Variants in AHNAK2 observed in about 807,000 individuals in gnomAD.
The protein encoded by AHNAK2 is AHNAK nucleoprotein 2, also known as protein AHNAK2.
Under a neutral mutation model 30.7 loss-of-function variants are expected in AHNAK2, and 18 were observed. That is an observed-to-expected ratio of 0.59 (90% CI 0.41 to 0.87). AHNAK2 has a LOEUF of 0.87. Ranked by LOEUF, AHNAK2 falls within the 40% of genes least tolerant of loss-of-function variation. The pLI is 0.00. For synonymous variants in AHNAK2, 3,590 were observed against 3,073.8 expected, an observed-to-expected ratio of 1.17 and a Z score of -5.56; for missense variants, 8,604 against 7,373.0, an observed-to-expected ratio of 1.17 and a Z score of -6.11.
chr14:104,974,429 G>T (rs138459237), intron 1 of AHNAK2, among the ~76,000 whole-genome samples: 1 of 152,234 alleles, frequency 6.6e-6, no homozygotes, highest in African/African-American at 2.4e-5. Context: ...CCCCGTCCCA[G>T]ATGCACTGGG....
chr14:104,975,510 C>G (rs1003535369), intron 1 of AHNAK2, among the ~76,000 whole-genome samples: 3 of 152,352 alleles, frequency 2.0e-5, no homozygotes, highest in South Asian at 2.1e-4. Context: ...AGGCCCATTC[C>G]TGCCACTAGC....
At chr14:104,960,501 G>T (rs1273526262) in intron 1 of AHNAK2, among the ~76,000 whole-genome samples, 1 of 152,192 alleles carries the variant, frequency 6.6e-6, no homozygotes, top group Non-Finnish European at 1.5e-5. Context: ...TTATAGAAGG[G>T]ACTTGAGCAT....
chr14:104,960,320 T>C (rs951790841), intron 1 of AHNAK2, among the ~76,000 whole-genome samples: 1 of 152,238 alleles, frequency 6.6e-6, no homozygotes, highest in Non-Finnish European at 1.5e-5. Flanking sequence ...AAATTGCACC[T>C]GTACTGAACA....
At position 104,947,906 on chromosome 14, in the gene AHNAK2, G is replaced by A. The variant is rs202034000; in HGVS notation, c.7545C>T (p.Ala2515=). Residue 2515 remains alanine, a synonymous_variant, in exon 7 of 7, where the codon GCC becomes GCT. Coordinates refer to ENST00000333244, the MANE Select transcript of AHNAK2 (RefSeq NM_138420.4). ...SVDVSAPKVE[A]DGSLSSMQGD... ...CCTGCATGGAGGAGAGGCTCCCGTCGGCCTCCACCTTCGGCGCAGACACAT... is the reference window on the plus strand; with the variant it reads ...CCTGCATGGAGGAGAGGCTCCCGTCAGCCTCCACCTTCGGCGCAGACACAT... 4.2e-4 allele frequency: 684 copies of A among 1,612,194 alleles called. 15 individuals are homozygous for A. The highest frequency in any genetic ancestry group is 2.5e-3 in the African/African-American group (185 of 74,190).
intron 1 of AHNAK2, among the ~76,000 whole-genome samples, chr14:104,977,241 G>A (rs1245040325): frequency 2.0e-5 from 3 of 152,024 alleles, no homozygotes; most frequent in Non-Finnish European, 4.4e-5. Flanking sequence ...CCAACCCCCT[G>A]GCCAGTGGCT....
At position 104,947,050 on chromosome 14, in the gene AHNAK2, G is replaced by A. The variant is rs570242935; in HGVS notation, c.8401C>T (p.Leu2801=). ...DGARLEGDLS[L]ADKGMTAKDS... ...TTGGCTGTCATGCCCTTGTCGGCCAGGGACAGGTCCCCCTCCAGCCGCGCA... is the reference window on the plus strand; with the variant it reads ...TTGGCTGTCATGCCCTTGTCGGCCAAGGACAGGTCCCCCTCCAGCCGCGCA... Residue 2801 remains leucine, a synonymous_variant, in exon 7 of 7, where the codon CTG becomes TTG. Coordinates refer to ENST00000333244, the MANE Select transcript of AHNAK2 (RefSeq NM_138420.4). 1.9e-6 allele frequency: 3 copies of A among 1,612,604 alleles called. No homozygotes were observed. The highest frequency in any genetic ancestry group is 2.5e-6 in the Non-Finnish European group (3 of 1,179,638).
Position 104,939,369 on chromosome 14 carries a change from CT to C in AHNAK2, c.16081del (p.Ser5361ValfsTer22). On this transcript the variant is annotated frameshift_variant, in exon 7 of 7. Transcript: ENST00000333244. LOFTEE classifies it low-confidence loss of function (END_TRUNC). Reference sequence around the variant, plus strand: ...AGAAATCTGGGATGGCATATCAGTACTTGAAGCTTTCAATTTAAGTGGACCT... The same window carrying C: ...AGAAATCTGGGATGGCATATCAGTACTGAAGCTTTCAATTTAAGTGGACCT... ...PEGPLKLKASSTDMPSQISVV... is the reference protein window; with the variant it reads ...PEGPLKLKASXTDMPSQISVV... 6.2e-7 allele frequency: 1 copy of C among 1,613,724 alleles called. No individual in the cohort carries two copies. Among genetic ancestry groups the C allele is most frequent in the Non-Finnish European group, 8.5e-7 (1 of 1,179,874 alleles).
chr14:104,970,556 C>G, intron 1 of AHNAK2: 3 of 979,536 alleles, frequency 3.1e-6, no homozygotes, highest in Non-Finnish European at 3.6e-6. Context: ...AGCTCCTCCC[C>G]CCATTGTCCC....
Position 104,954,602 on chromosome 14 carries a change from CTCTGA to C in AHNAK2, c.844_848del (p.Ser282GlyfsTer5). The C allele has an allele frequency of 6.2e-7, 1 of 1,611,344 alleles. No homozygotes were observed. The highest frequency in any genetic ancestry group is 1.3e-5 in the African/African-American group (1 of 75,004). On this transcript the variant is annotated frameshift_variant, in exon 7 of 7. Transcript: ENST00000333244. LOFTEE classifies it low-confidence loss of function (END_TRUNC). This position sits in a 1 kb window ranked among gnomAD's most constrained non-coding sequence, Gnocchi z 4.3. ...CATGTGCGTCCCTAGGTTCGTAGGC[CTCTGA>C]CGAGCTGTGTGACCTCTGGGGTCCC...
rs1429033982 is a variant in AHNAK2 at position 104,944,434 on chromosome 14, T to G, written c.11017A>C (p.Ser3673Arg). 1 of 1,612,708 alleles carries G rather than the reference T, an allele frequency of 6.2e-7. No individual in the cohort carries two copies. The highest frequency in any genetic ancestry group is 8.5e-7 in the Non-Finnish European group (1 of 1,179,466). Residue 3673 changes from serine to arginine, a missense_variant, in exon 7 of 7, where the codon AGT (serine) becomes CGT (arginine). Physicochemically the swap from Ser to Arg is moderately radical, Grantham distance 110. Transcript: ENST00000333244. ...AGGTCCCCCTGCATGGAGGGGAGAC[T>G]CACATCGGCTTCCACCTTGGGTGCA... is the stretch of plus-strand genomic sequence containing the variant. ...VSAPKVEADV[S>R]LPSMQGDLKT...
intron 1 of AHNAK2, among the ~76,000 whole-genome samples, chr14:104,968,412 G>A (rs774484788): frequency 2.6e-5 from 4 of 152,188 alleles, no homozygotes; most frequent in Admixed American, 6.5e-5. Context: ...GGCGGGGAGG[G>A]GCCGAGCGGG....
chr14:104,950,535 T>C lies in AHNAK2; in HGVS notation c.4916A>G (p.Gln1639Arg), dbSNP rs148787429. ...GGCCAGGGACAGGTCCCCCTCCAGC[T>C]GCGCACCATCCAGCTTTGCTCTCGG... The part of the protein sequence containing the change: ...QAPRAKLDGA[Q>R]LEGDLSLADK... The change falls in exon 7 of 7, where the codon CAG becomes CGG. Residue 1639 changes from glutamine (Q) to arginine (R), a missense_variant. By Grantham distance (43) the Gln-to-Arg change is conservative. Coordinates refer to ENST00000333244, the MANE Select transcript of AHNAK2 (RefSeq NM_138420.4). The C allele has an allele frequency of 0.063, 97,030 of 1,542,354 alleles. 13,361 individuals are homozygous for C. The highest frequency in any genetic ancestry group is 0.25 in the East Asian group (10,917 of 44,040).
Position 104,944,067 on chromosome 14 carries a change from T to G in AHNAK2, c.11384A>C (p.Asp3795Ala). ...GAATTTGCTGTCTTTGGCAGTCACA[T>G]CCTTGTCGGCCAGGGACAGGTCCCC... The part of the protein sequence containing the change: ...LEGDLSLADK[D>A]VTAKDSKFKM... Residue 3795 changes from aspartate to alanine, a missense_variant, in exon 7 of 7, where the codon GAT becomes GCT. By Grantham distance (126) the Asp-to-Ala change is moderately radical. Transcript: ENST00000333244. 1 of 1,613,282 alleles carries G rather than the reference T, an allele frequency of 6.2e-7. No homozygotes were observed. The highest frequency in any genetic ancestry group is 1.1e-5 in the South Asian group (1 of 91,060).
In AHNAK2 at chr14:104,945,990, C is replaced by G; in HGVS notation, c.9461G>C (p.Gly3154Ala). The change falls in exon 7 of 7, where the codon GGG becomes GCG. Residue 3154 changes from glycine (G) to alanine (A), a missense_variant. Transcript: ENST00000333244. ...KMPKFKMPSF[G>A]VSAPGKSIEV... ...AATGGACTTGCCTGGGGCAGACACC[C>G]CGAACGACGGCATCTTGAACTTGGG... is the stretch of plus-strand genomic sequence containing the variant. The G allele has an allele frequency of 7.8e-7, 1 of 1,283,286 alleles. No homozygotes were observed. The highest frequency in any genetic ancestry group is 1.3e-5 in the South Asian group (1 of 74,792). 79.5% of individuals were successfully genotyped at this position (1,283,286 alleles called of 1,614,324 possible). A position where few individuals can be genotyped will look rare whatever the true frequency, so the allele number is the denominator to read the frequency against.
At chr14:104,975,459 C>G (rs1026324804) in intron 1 of AHNAK2, among the ~76,000 whole-genome samples, 1 of 151,832 alleles carries the variant, frequency 6.6e-6, no homozygotes, top group Non-Finnish European at 1.5e-5. Flanking sequence ...GGCCACCTCA[C>G]TGGAGGGCAC....
Position 104,950,395 on chromosome 14 carries a change from G to T in AHNAK2, c.5056C>A (p.Pro1686Thr), listed in dbSNP as rs369781376. 2 of 1,586,262 alleles carry T rather than the reference G, an allele frequency of 1.3e-6. No individual in the cohort carries two copies. The highest frequency in any genetic ancestry group is 1.7e-6 in the Non-Finnish European group (2 of 1,162,836). ...SIEASVDVSE[P>T]KVEADVSLPS... The stretch of plus-strand genomic sequence containing the variant: ...AGGCTCACATCAGCTTCCACCTTCG[G>T]CTCAGACACATCCACCGAGGCCTCG... The change falls in exon 7 of 7, where the codon CCG (proline) becomes ACG (threonine). Residue 1686 changes from proline (P) to threonine (T), a missense_variant. Coordinates refer to ENST00000333244, the MANE Select transcript of AHNAK2 (RefSeq NM_138420.4).
chr14:104,951,669 AG>A lies in AHNAK2; in HGVS notation c.3781del (p.Leu1261SerfsTer15). On this transcript the variant is annotated frameshift_variant, in exon 7 of 7. Transcript: ENST00000333244. LOFTEE classifies it low-confidence loss of function (END_TRUNC). Reference sequence around the variant, plus strand: ...CCTGACTTCCACCTGGGGGCCCTTGAGGTCCACTTTGGGCATCTTCAAACTA... The same window carrying A: ...CCTGACTTCCACCTGGGGGCCCTTGAGTCCACTTTGGGCATCTTCAAACTA... Reference protein sequence around the residue: ...MPSLKMPKVDLKGPQVEVRGP... With the variant: ...MPSLKMPKVDXKGPQVEVRGP... 8.0e-7 allele frequency: 1 copy of A among 1,246,140 alleles called. No individual in the cohort carries two copies. The highest frequency in any genetic ancestry group is 1.1e-6 in the Non-Finnish European group (1 of 880,582). The allele number at this position is 1,246,140 out of a possible 1,614,324, so 77.2% of individuals were successfully genotyped here.
At chr14:104,975,603 C>T (rs977265613) in intron 1 of AHNAK2, among the ~76,000 whole-genome samples, 1 of 152,192 alleles carries the variant, frequency 6.6e-6, no homozygotes, top group Non-Finnish European at 1.5e-5. Context: ...CAGCATGTCA[C>T]CGACCAAAGC....
chr14:104,974,544 T>G (rs149260387), intron 1 of AHNAK2, among the ~76,000 whole-genome samples: 1 of 152,250 alleles, frequency 6.6e-6, no homozygotes, highest in South Asian at 2.1e-4. Flanking sequence ...ATTGGGCCAG[T>G]TGTCCTCCAG....
Sources: gnomAD v4.1 joint callset for allele counts (sites outside exome capture counted in the v4.1 genomes callset) on GRCh38, gnomAD v4.1.1 for gene constraint, Gnocchi (gnomAD v3.1) non-coding constraint, MANE v1.5 for transcripts, NCBI Gene and HGNC (gene_info 2026-07-23, HGNC 2026-07-21) for gene names.